The following ATG14 variants were observed in gnomAD, a reference collection of about 807,000 sequenced individuals.
ATG14 encodes beclin 1-associated autophagy-related key regulator.
In ATG14, 35 loss-of-function variants were observed where a neutral mutation model predicts 60.4. That is an observed-to-expected ratio of 0.58 (90% CI 0.44 to 0.77). The LOEUF is 0.77. Among genes scored for constraint, ATG14 ranks in the 30% least tolerant of loss-of-function variants. The pLI is 0.00. For missense variants in ATG14, 647 were observed against 626.3 expected (o/e 1.03, Z -0.35); for synonymous variants, 234 against 228.8 (o/e 1.02, Z -0.21).
At chr14:55,408,368 T>A (rs1397241353) in intron 1 of ATG14, among the ~76,000 whole-genome samples, 1 of 152,094 alleles carries the variant, frequency 6.6e-6, no homozygotes, top group Non-Finnish European at 1.5e-5. Flanking sequence ...GACAGGAGAA[T>A]CGCTTGAGAA....
chr14:55,366,905 A>G lies in ATG14; in HGVS notation c.*2714T>C, dbSNP rs1220561043. The G allele has an allele frequency of 6.6e-6, 1 of 152,664 alleles. No homozygotes were observed. Among genetic ancestry groups the G allele is most frequent in the African/African-American group, 2.4e-5 (1 of 41,450 alleles). 9.5% of individuals were successfully genotyped at this position (152,664 alleles called of 1,614,324 possible). ...AAACAGTGGTTGAAATGTATACTTA[A>G]GAGTATTTACAGGGTGGATCCAGTG... On this transcript the variant is annotated 3_prime_UTR_variant, in exon 10 of 10. Transcript: ENST00000247178.
In ATG14 at chr14:55,411,809, C is replaced by G. The variant is rs201598861; in HGVS notation, c.14G>C (p.Ser5Thr). The change falls in exon 1 of 10, where the codon AGT becomes ACT. Residue 5 changes from serine (S) to threonine (T), a missense_variant. Physicochemically the swap from Ser to Thr is moderately conservative, Grantham distance 58. Coordinates refer to ENST00000247178, the MANE Select transcript of ATG14 (RefSeq NM_014924.5). Reference sequence around the variant, plus strand: ...CTCCAGCGCCCGGGCTCCCTTCCCACTGGGAGACGCCATGATGGCCTGAGA... The same window carrying G: ...CTCCAGCGCCCGGGCTCCCTTCCCAGTGGGAGACGCCATGATGGCCTGAGA... MASP[S>T]GKGARALEAP... 1.9e-6 allele frequency: 3 copies of G among 1,595,282 alleles called. No homozygotes were observed. The highest frequency in any genetic ancestry group is 2.3e-5 in the East Asian group (1 of 44,260).
chr14:55,403,725 G>A (rs950391741), intron 1 of ATG14, among the ~76,000 whole-genome samples: 22 of 152,138 alleles, frequency 1.4e-4, no homozygotes, highest in African/African-American at 5.1e-4. Context: ...TGTATTGTGT[G>A]ATCCCACTTT....
chr14:55,374,626 C>T (rs1277373044), intron 9 of ATG14, among the ~76,000 whole-genome samples: 1 of 152,132 alleles, frequency 6.6e-6, no homozygotes, highest in East Asian at 1.9e-4. Flanking sequence ...CATTATAAAA[C>T]ACTGTCCTTT....
intron 1 of ATG14, among the ~76,000 whole-genome samples, chr14:55,402,341 G>C (rs1466462609): frequency 6.6e-6 from 1 of 151,812 alleles, no homozygotes; most frequent in African/African-American, 2.4e-5. Context: ...TTTAAGAAAG[G>C]CAAAAAATAG....
At position 55,369,432 on chromosome 14, in the gene ATG14, T is replaced by G. The variant is rs1884760448; in HGVS notation, c.*187A>C. On this transcript the variant is annotated 3_prime_UTR_variant, in exon 10 of 10. Transcript: ENST00000247178. ...TGTTCTCTTAATTATCATAAGCATGTTGGTCACCATCACAGGCCACTTGGC... is the reference window on the plus strand; with the variant it reads ...TGTTCTCTTAATTATCATAAGCATGGTGGTCACCATCACAGGCCACTTGGC... The G allele has an allele frequency of 2.0e-6, 1 of 490,838 alleles. No homozygotes were observed. The highest frequency in any genetic ancestry group is 1.9e-5 in the African/African-American group (1 of 52,106). The allele number at this position is 490,838 out of a possible 1,614,324, so 30.4% of individuals were successfully genotyped here.
In ATG14 at chr14:55,366,926, C is replaced by T. The variant is rs1884692611; in HGVS notation, c.*2693G>A. On this transcript the variant is annotated 3_prime_UTR_variant, in exon 10 of 10. Transcript: ENST00000247178. ...CTTAAGAGTATTTACAGGGTGGATC[C>T]AGTGCAAAATAATGAAACCCAAAAT... The T allele has an allele frequency of 6.6e-6, 1 of 152,638 alleles. No homozygotes were observed. Among genetic ancestry groups the T allele is most frequent in the East Asian group, 1.9e-4 (1 of 5,184 alleles). The allele number at this position is 152,638 out of a possible 1,614,324, so 9.5% of individuals were successfully genotyped here. A position where few individuals can be genotyped will look rare whatever the true frequency, so the allele number is the denominator to read the frequency against.
Position 55,380,607 on chromosome 14 carries a change from G to A in ATG14, c.961C>T (p.Leu321Phe). ...AGCTTTTTGGGAAGATTTACATCAA[G>A]TATATGAGACAGAATGTTGACCAGC... ...TQLVNILSHI[L>F]DVNLPKKLCN... Residue 321 changes from leucine (L) to phenylalanine (F), a missense_variant, in exon 7 of 10, where the codon CTT becomes TTT. Leu to Phe is a conservative substitution (Grantham distance 22, BLOSUM62 0). Transcript: ENST00000247178. 1 of 1,612,518 alleles carries A rather than the reference G, an allele frequency of 6.2e-7. No individual in the cohort carries two copies. The highest frequency in any genetic ancestry group is 2.2e-5 in the East Asian group (1 of 44,812).
intron 2 of ATG14, 126 bp downstream of exon 2, chr14:55,397,246 C>T (rs947192806): frequency 1.2e-6 from 1 of 858,454 alleles, no homozygotes; most frequent in Non-Finnish European, 1.9e-6. Flanking sequence ...CTTTCCTACA[C>T]TTTAAGAGGT....
At chr14:55,394,173 A>AT (rs1206137851) in intron 3 of ATG14, among the ~76,000 whole-genome samples, 1 of 146,058 alleles carries the variant, frequency 6.8e-6, no homozygotes, top group African/African-American at 2.8e-5. Context: ...TGCCCAGCTA[A>AT]TTTTTCTATT....
chr14:55,409,185 C>G (rs1885533708), intron 1 of ATG14, among the ~76,000 whole-genome samples: 1 of 152,066 alleles, frequency 6.6e-6, no homozygotes, highest in South Asian at 2.1e-4. Context: ...GTTTTGGATG[C>G]AGAGAGGAAG....
At chr14:55,388,940 C>G (rs1422694792) in intron 4 of ATG14, among the ~76,000 whole-genome samples, 3 of 151,964 alleles carry the variant, frequency 2.0e-5, no homozygotes, top group Non-Finnish European at 4.4e-5. Flanking sequence ...AGAGTAAGCA[C>G]GTTGAAGCTT....
intron 9 of ATG14, among the ~76,000 whole-genome samples, chr14:55,370,142 C>G (rs1884781899): frequency 6.6e-6 from 1 of 152,234 alleles, no homozygotes; most frequent in African/African-American, 2.4e-5. Context: ...TGATACCACA[C>G]TTTCCCACAA....
intron 1 of ATG14, among the ~76,000 whole-genome samples, chr14:55,410,773 T>G (rs558417562): frequency 1.3e-5 from 2 of 152,196 alleles, no homozygotes; most frequent in South Asian, 2.1e-4. Context: ...GCGAATGAAT[T>G]AATACCTGAA....
chr14:55,411,460 G>A lies in ATG14; in HGVS notation c.221+142C>T. 3.6e-6 allele frequency: 3 copies of A among 838,842 alleles called. No individual in the cohort carries two copies. In the South Asian group the frequency reaches 5.3e-5, roughly 15 times the overall value. The allele number at this position is 838,842 out of a possible 1,614,324, so 52.0% of individuals were successfully genotyped here. The stretch of plus-strand genomic sequence containing the variant: ...CCTCTGGTAGCAAAGCTCCGGTGCA[G>A]AGCAGCTAGCTACACTCCCTCTCTC... On this transcript the variant is annotated intron_variant, in intron 1 of 9. Transcript: ENST00000247178.
intron 1 of ATG14, among the ~76,000 whole-genome samples, chr14:55,399,019 C>T (rs1885359122): frequency 6.6e-6 from 1 of 152,140 alleles, no homozygotes; most frequent in Non-Finnish European, 1.5e-5. Flanking sequence ...GAAAACAATT[C>T]AACAGGCCAT....
intron 1 of ATG14, among the ~76,000 whole-genome samples, chr14:55,408,252 A>G (rs1189631348): frequency 6.6e-6 from 1 of 151,688 alleles, no homozygotes; most frequent in African/African-American, 2.4e-5. Flanking sequence ...CCAGAGTCCA[A>G]GACCAGCCTG....
chr14:55,406,860 T>C (rs535626819), intron 1 of ATG14, among the ~76,000 whole-genome samples: 80 of 152,322 alleles, frequency 5.3e-4, no homozygotes, highest in Non-Finnish European at 7.5e-4. Flanking sequence ...TGAATGGTTA[T>C]TTGCTTTATA....
chr14:55,385,982 A>G lies in ATG14; in HGVS notation c.524T>C (p.Leu175Pro). 6.2e-7 allele frequency: 1 copy of G among 1,614,114 alleles called. No individual in the cohort carries two copies. Among genetic ancestry groups the G allele is most frequent in the African/African-American group, 1.3e-5 (1 of 75,028 alleles). Reference protein sequence around the residue: ...IQRHNRKLGDLVEKKTIDLRS... With the variant: ...IQRHNRKLGDPVEKKTIDLRS... ...TAAGTCAATGGTCTTTTTTTCTACCAGGTCACCAAGTTTGCGATTATGCCT... is the reference window on the plus strand; with the variant it reads ...TAAGTCAATGGTCTTTTTTTCTACCGGGTCACCAAGTTTGCGATTATGCCT... The change falls in exon 5 of 10, where the codon CTG (leucine) becomes CCG (proline). Residue 175 changes from leucine (L) to proline (P), a missense_variant. Coordinates refer to ENST00000247178, the MANE Select transcript of ATG14 (RefSeq NM_014924.5).
Sources: allele counts gnomAD v4.1 joint callset (sites outside exome capture counted in the v4.1 genomes callset), GRCh38; gene constraint gnomAD v4.1.1; transcripts MANE v1.5; gene names NCBI Gene and HGNC (gene_info 2026-07-23, HGNC 2026-07-21).